IL1RAPL1: variants seen among roughly 807,000 people sequenced by gnomAD.
The protein encoded by IL1RAPL1 is interleukin 1 receptor accessory protein like 1, also known as interleukin-1 receptor accessory protein-like 1.
A neutral mutation model predicts 48.4 loss-of-function variants in IL1RAPL1; 3 were observed. The observed-to-expected ratio is 0.06, with a 90% CI of 0.03 to 0.16. The LOEUF is 0.16. Ranked by LOEUF, IL1RAPL1 falls within the 10% of genes least tolerant of loss-of-function variation. The pLI is 1.00. For missense variants in IL1RAPL1, 349 were observed against 530.6 expected, an observed-to-expected ratio of 0.66 and a Z score of 3.36; for synonymous variants, 185 against 187.7, an observed-to-expected ratio of 0.99 and a Z score of 0.12.
intron 1 of IL1RAPL1, among the ~76,000 whole-genome samples, chrX:28,635,963 G>T (rs1315106270): frequency 9.0e-6 from 1 of 111,482 alleles, no homozygotes; most frequent in Non-Finnish European, 1.9e-5. Flanking sequence ...TCATTGTCAG[G>T]TCTCATTATA....
At chrX:29,399,637 G>A (rs944835767) in intron 5 of IL1RAPL1, among the ~76,000 whole-genome samples, 6 of 110,812 alleles carry the variant, frequency 5.4e-5, no homozygotes, top group South Asian at 3.8e-4. Flanking sequence ...TGGCCAACAT[G>A]GTGAAACCCT....
At chrX:28,933,483 A>G (rs761461966) in intron 2 of IL1RAPL1, among the ~76,000 whole-genome samples, 2 of 111,932 alleles carry the variant, frequency 1.8e-5, no homozygotes, top group South Asian at 7.5e-4. Context: ...TTTGTCCATC[A>G]TTCAAATAGA....
At chrX:28,961,582 G>A (rs1036085073) in intron 2 of IL1RAPL1, among the ~76,000 whole-genome samples, 1 of 111,359 alleles carries the variant, frequency 9.0e-6, no homozygotes, top group African/African-American at 3.3e-5. Context: ...TCCCACTTAT[G>A]AGTGAGAACA....
chrX:29,718,118 G>T (rs767833326), intron 6 of IL1RAPL1, among the ~76,000 whole-genome samples: 1 of 111,754 alleles, frequency 8.9e-6, no homozygotes, highest in South Asian at 3.8e-4. Context: ...CACGGATAAG[G>T]TCGGCTAGAA....
At chrX:29,217,775 T>TCACA (rs757477605) in intron 2 of IL1RAPL1, among the ~76,000 whole-genome samples, 4,601 of 68,293 alleles carry the variant, frequency 0.067, 130 homozygotes, top group Non-Finnish European at 0.079. Flanking sequence ...TCTCTCTCTC[T>TCACA]CTCACACACA....
At chrX:29,890,621 C>G (rs921258077) in intron 6 of IL1RAPL1, among the ~76,000 whole-genome samples, 3 of 112,259 alleles carry the variant, frequency 2.7e-5, no homozygotes, top group African/African-American at 9.7e-5. Flanking sequence ...TGCCTGCTTT[C>G]CAAAATGCAG....
At chrX:29,207,922 A>G (rs1930695483) in intron 2 of IL1RAPL1, among the ~76,000 whole-genome samples, 3 of 111,915 alleles carry the variant, frequency 2.7e-5, no homozygotes, top group Non-Finnish European at 5.6e-5. Context: ...GGTTTTATAA[A>G]TACATATATA....
intron 1 of IL1RAPL1, among the ~76,000 whole-genome samples, chrX:28,769,111 A>G (rs1399540412): frequency 9.2e-6 from 1 of 108,613 alleles, no homozygotes; most frequent in South Asian, 3.9e-4. Flanking sequence ...GTGTAAGAAT[A>G]TGAGTTACAG....
chrX:29,374,526 C>T (rs774535419), intron 3 of IL1RAPL1, among the ~76,000 whole-genome samples: 2 of 109,041 alleles, frequency 1.8e-5, no homozygotes, highest in East Asian at 2.9e-4. Flanking sequence ...TGCTTTTGGC[C>T]GCACCAGCCC....
intron 2 of IL1RAPL1, among the ~76,000 whole-genome samples, chrX:28,896,720 A>C (rs866167744): frequency 1.7e-4 from 19 of 110,378 alleles, no homozygotes; most frequent in African/African-American, 5.9e-4. Flanking sequence ...TCTGTAGAAA[A>C]GGAAGATTAG....
chrX:29,346,911 G>A (rs1480919949), intron 3 of IL1RAPL1, among the ~76,000 whole-genome samples: 2 of 111,778 alleles, frequency 1.8e-5, no homozygotes, highest in South Asian at 3.7e-4. Flanking sequence ...AAACATATAC[G>A]CTGAAAAATG....
intron 1 of IL1RAPL1, among the ~76,000 whole-genome samples, chrX:28,721,515 T>C (rs1339131142): frequency 1.8e-5 from 2 of 111,751 alleles, no homozygotes; most frequent in Admixed American, 9.5e-5. Context: ...GATGAGTAGA[T>C]TGCAAAAATT....
chrX:29,850,244 T>A (rs1269974612), intron 6 of IL1RAPL1, among the ~76,000 whole-genome samples: 1 of 112,176 alleles, frequency 8.9e-6, no homozygotes, highest in African/African-American at 3.2e-5. Context: ...ACCTTAGCAG[T>A]CATCTGTCAA....
At chrX:28,769,198 A>G (rs72625518) in intron 1 of IL1RAPL1, among the ~76,000 whole-genome samples, 28,929 of 108,740 alleles carry the variant, frequency 0.27, 3,584 homozygotes, top group East Asian at 0.41. Context: ...ATTATATGGG[A>G]AAAAGCTAAA....
intron 6 of IL1RAPL1, among the ~76,000 whole-genome samples, chrX:29,740,259 A>G (rs968990898): frequency 1.8e-5 from 2 of 111,284 alleles, no homozygotes; most frequent in African/African-American, 3.3e-5. Context: ...AAGATCAGCT[A>G]TAATCTCAGA....
At chrX:28,852,982 T>G (rs1242215636) in intron 2 of IL1RAPL1, among the ~76,000 whole-genome samples, 1 of 110,959 alleles carries the variant, frequency 9.0e-6, no homozygotes, top group African/African-American at 3.3e-5. Context: ...TATCCTGATA[T>G]AGATAGACAT....
At chrX:28,801,783 C>T (rs1936679493) in intron 2 of IL1RAPL1, among the ~76,000 whole-genome samples, 1 of 112,167 alleles carries the variant, frequency 8.9e-6, no homozygotes, top group South Asian at 3.7e-4. Context: ...TTCAATGCAG[C>T]TGCTAACGAG....
At chrX:29,603,857 C>T (rs1368698407) in intron 5 of IL1RAPL1, among the ~76,000 whole-genome samples, 5 of 112,000 alleles carry the variant, frequency 4.5e-5, no homozygotes, top group Non-Finnish European at 7.5e-5. Context: ...GAGTATATGT[C>T]ATTTATTTAT....
intron 10 of IL1RAPL1, 61 bp downstream of exon 10, chrX:29,954,753 C>G (rs1466187892): frequency 1.1e-6 from 1 of 943,709 alleles, no homozygotes; most frequent in Admixed American, 2.2e-5. Context: ...GTAGTCATCA[C>G]TTTTTCATGG....
Sources: gnomAD v4.1 joint callset for allele counts (sites outside exome capture counted in the v4.1 genomes callset) on GRCh38, gnomAD v4.1.1 for gene constraint, MANE v1.5 for transcripts, NCBI Gene and HGNC (gene_info 2026-07-23, HGNC 2026-07-21) for gene names.